Variants in ABCA4 observed in about 807,000 individuals in gnomAD.
ABCA4 encodes retinal-specific phospholipid-transporting ATPase ABCA4.
Under a neutral mutation model 263.7 loss-of-function variants are expected in ABCA4, and 196 were observed. That is an observed-to-expected ratio of 0.74 (90% CI 0.66 to 0.84). The LOEUF (loss-of-function observed/expected upper bound fraction) is 0.84. Among genes scored for constraint, ABCA4 ranks in the 40% least tolerant of loss-of-function variants. The pLI is 0.00. For synonymous variants in ABCA4, 1,133 were observed against 1,094.2 expected, an observed-to-expected ratio of 1.04 and a Z score of -0.70; for missense variants, 2,792 against 2,855.1, an observed-to-expected ratio of 0.98 and a Z score of 0.50.
At chr1:94,104,678 G>T (rs570878) in intron 4 of ABCA4, among the ~76,000 whole-genome samples, 77,926 of 152,044 alleles carry the variant, frequency 0.51, 20,267 homozygotes, top group East Asian at 0.67. Context: ...CCCTGAGAGT[G>T]GTGCCCACTG....
In ABCA4 at chr1:93,996,091, C is replaced by A. The variant is rs749539936; in HGVS notation, c.6816+18G>T. On this transcript the variant is annotated intron_variant, in intron 49 of 49. Coordinates refer to ENST00000370225, the MANE Select transcript of ABCA4 (RefSeq NM_000350.3). ...AGGAACTGCCTCAAGCTGTGGACTGCATAAGCAGCAGGGGTACCTGGGCTT... is the reference window on the plus strand; with the variant it reads ...AGGAACTGCCTCAAGCTGTGGACTGAATAAGCAGCAGGGGTACCTGGGCTT... 1 of 1,611,640 alleles carries A rather than the reference C, an allele frequency of 6.2e-7. No individual in the cohort carries two copies. Among genetic ancestry groups the A allele is most frequent in the Non-Finnish European group, 8.5e-7 (1 of 1,178,304 alleles).
intron 47 of ABCA4, among the ~76,000 whole-genome samples, chr1:94,000,563 C>T (rs1378360508): frequency 6.6e-5 from 10 of 152,100 alleles, no homozygotes. Flanking sequence ...AGCCCTCCCT[C>T]ATCCCAGCCA....
At chr1:94,032,837 G>A (rs189015016) in intron 26 of ABCA4, among the ~76,000 whole-genome samples, 11 of 152,332 alleles carry the variant, frequency 7.2e-5, no homozygotes, top group Admixed American at 5.2e-4. Context: ...TCCCTGGGGA[G>A]GCAGAGTTGG....
intron 18 of ABCA4, among the ~76,000 whole-genome samples, chr1:94,047,789 TC>T (rs1660728127): frequency 6.6e-6 from 1 of 151,888 alleles, no homozygotes; most frequent in Admixed American, 6.6e-5. Flanking sequence ...CAAACCCCAC[TC>T]CCCTCCTTCT....
chr1:94,014,305 AAAGG>A (rs1243468070), intron 38 of ABCA4, among the ~76,000 whole-genome samples: 1 of 147,830 alleles, frequency 6.8e-6, no homozygotes, highest in Non-Finnish European at 1.5e-5. Context: ...AAGCAATGAA[AAAGG>A]AAGGAAGGAG....
At chr1:94,093,183 G>T (rs1026468357) in intron 6 of ABCA4, among the ~76,000 whole-genome samples, 33 of 152,298 alleles carry the variant, frequency 2.2e-4, no homozygotes, top group Admixed American at 2.2e-3. Context: ...CATAAACAGA[G>T]TTAAGGAAGA....
At chr1:94,048,297 TAA>T (rs3838276) in intron 18 of ABCA4, among the ~76,000 whole-genome samples, 11,318 of 152,262 alleles carry the variant, frequency 0.074, 1,003 homozygotes, top group East Asian at 0.46. Context: ...AGAACTAGTT[TAA>T]GAGAGAAGAT....
At chr1:94,034,595 A>G (rs556752964) in intron 26 of ABCA4, among the ~76,000 whole-genome samples, 41 of 151,582 alleles carry the variant, frequency 2.7e-4, no homozygotes, top group South Asian at 1.9e-3. Flanking sequence ...GCTAACTCAA[A>G]ACAAATGTAC....
At chr1:94,117,025 TC>T (rs1662805127) in intron 1 of ABCA4, among the ~76,000 whole-genome samples, 1 of 139,100 alleles carries the variant, frequency 7.2e-6, no homozygotes, top group Non-Finnish European at 1.6e-5. Context: ...TTTCTTTCTT[TC>T]CTTTTCTTTC....
Position 93,998,096 on chromosome 1 carries a change from T to C in ABCA4, c.6494A>G (p.Tyr2165Cys), listed in dbSNP as rs940867738. The change falls in exon 48 of 50, where the codon TAT becomes TGT. Residue 2165 changes from tyrosine (Y) to cysteine (C), a missense_variant. Tyr to Cys is a radical substitution (Grantham distance 194, BLOSUM62 -2). Transcript: ENST00000370225. Reference sequence around the variant, plus strand: ...GGATTTGATCTTCATTGTGACGATATAGCCATCTCCAAATCTAGGGGATGC... The same window carrying C: ...GGATTTGATCTTCATTGTGACGATACAGCCATCTCCAAATCTAGGGGATGC... ...QHLKSKFGDG[Y>C]IVTMKIKSPK... is the part of the protein sequence containing the mutation. The C allele has an allele frequency of 2.5e-6, 4 of 1,614,094 alleles. No homozygotes were observed. The highest frequency in any genetic ancestry group is 2.7e-5 in the African/African-American group (2 of 74,936).
intron 25 of ABCA4, 115 bp from the exon 26 acceptor site, chr1:94,036,903 G>A (rs948118900): frequency 3.3e-5 from 34 of 1,038,034 alleles, no homozygotes; most frequent in East Asian, 4.9e-5. Flanking sequence ...AATCCATTAC[G>A]ACTCTATCTG....
chr1:93,999,245 C>T (rs12083802), intron 47 of ABCA4, among the ~76,000 whole-genome samples: 19,412 of 148,298 alleles, frequency 0.13, 2,075 homozygotes, highest in African/African-American at 0.3. Flanking sequence ...AGGGTTTCAC[C>T]GTGTTGGCCA....
rs61754044 is a variant in ABCA4, at chr1:94,030,992, G to A, written c.4253+4C>T. Reference sequence around the variant, plus strand: ...AGGAGAATGGTGACCCCGAGTCCGCGCACCTGAAGAAGGTGTACTGCTGCC... The same window carrying A: ...AGGAGAATGGTGACCCCGAGTCCGCACACCTGAAGAAGGTGTACTGCTGCC... On this transcript the variant is annotated splice_donor_region_variant and intron_variant, in intron 28 of 49. Coordinates refer to ENST00000370225, the MANE Select transcript of ABCA4 (RefSeq NM_000350.3). 1.4e-5 allele frequency: 22 copies of A among 1,613,818 alleles called. No homozygotes were observed. Among genetic ancestry groups the A allele is most frequent in the South Asian group, 4.4e-5 (4 of 91,062 alleles).
At position 94,011,275 on chromosome 1, in the gene ABCA4, G is replaced by A. The variant is rs2101008301; in HGVS notation, c.5571C>T (p.Val1857=). The A allele has an allele frequency of 1.9e-6, 3 of 1,614,062 alleles. No homozygotes were observed. The highest frequency in any genetic ancestry group is 1.7e-6 in the Non-Finnish European group (2 of 1,180,012). ...GCTACCACCCACCAAACCGGGCATAGACATCTGTCACAGCCTGGCTCAGTG... is the reference window on the plus strand; with the variant it reads ...GCTACCACCCACCAAACCGGGCATAAACATCTGTCACAGCCTGGCTCAGTG... ...DLALSQAVTD[V]YARFGEEHSA... Residue 1857 remains valine, a synonymous_variant, in exon 39 of 50, where the codon GTC becomes GTT. Transcript: ENST00000370225.
chr1:94,081,791 G>T (rs903096465), intron 7 of ABCA4, among the ~76,000 whole-genome samples: 1 of 152,246 alleles, frequency 6.6e-6, no homozygotes, highest in African/African-American at 2.4e-5. Flanking sequence ...TTTGAGGGTA[G>T]ATCTGTAATG....
rs181414052 is a variant in ABCA4, at chr1:94,099,422, G to A, written c.571-431C>T. Among the ~76,000 whole-genome samples the A allele has an allele frequency of 1.0e-3, 158 of 152,312 alleles. 1 individual carries two copies. Among genetic ancestry groups the A allele is most frequent in the Non-Finnish European group, 1.2e-4 (8 of 68,034 alleles). ...TTTCAGACTTGTGACCTCCAGAACT[G>A]TAAGATAATGCATCTGTGTTGTTTG... On this transcript the variant is annotated intron_variant, in intron 5 of 49. Transcript: ENST00000370225.
In ABCA4 at chr1:94,120,998, G is replaced by T. The variant is rs200719517; in HGVS notation, c.48C>A (p.Thr16=). The part of the protein sequence containing the change: ...QIQLLLWKNW[T]LRKRQKIRFV... ...CTGTTACCTTTTGCCTTTTCCGCAG[G>T]GTCCAGTTCTTCCAGAGCAAAAGCT... Residue 16 remains threonine (T), a synonymous_variant, in exon 1 of 50, where the codon ACC becomes ACA. Transcript: ENST00000370225. The T allele has an allele frequency of 6.8e-6, 11 of 1,613,328 alleles. No homozygotes were observed. Among genetic ancestry groups the T allele is most frequent in the Non-Finnish European group, 9.3e-6 (11 of 1,179,906 alleles).
In ABCA4 at chr1:94,108,571, G is replaced by T. The variant is rs1287680518; in HGVS notation, c.442+6C>A. 1.2e-6 allele frequency: 2 copies of T among 1,613,378 alleles called. No homozygotes were observed. Among genetic ancestry groups the T allele is most frequent in the Non-Finnish European group, 1.7e-6 (2 of 1,179,900 alleles). ...TGATGCTTGAGAGCACTGCAGTCAT[G>T]CTTACCTGCAATTCTCTCCGGGTGA... On this transcript the variant is annotated splice_donor_region_variant and intron_variant, in intron 4 of 49. Coordinates refer to ENST00000370225, the MANE Select transcript of ABCA4 (RefSeq NM_000350.3).
intron 21 of ABCA4, 99 bp downstream of exon 21, chr1:94,043,237 T>A (rs1241340081): frequency 1.3e-6 from 2 of 1,555,648 alleles, no homozygotes; most frequent in Non-Finnish European, 1.8e-6. Flanking sequence ...GTTCCCACCC[T>A]TAGAAGCTCT....
Sources: gnomAD v4.1 joint callset for allele counts (sites outside exome capture counted in the v4.1 genomes callset) on GRCh38, gnomAD v4.1.1 for gene constraint, MANE v1.5 for transcripts, NCBI Gene and HGNC (gene_info 2026-07-23, HGNC 2026-07-21) for gene names.